Variants in EPHA5 observed in about 807,000 individuals in gnomAD.
The protein encoded by EPHA5 is EPH receptor A5, also known as ephrin type-A receptor 5.
A neutral mutation model predicts 105.0 loss-of-function variants in EPHA5; 60 were observed. The ratio of observed to expected loss-of-function variants is 0.57; its 90% confidence interval spans 0.46 to 0.71. The LOEUF (loss-of-function observed/expected upper bound fraction) is 0.71, where lower values mean the gene tolerates loss of function less well. Among genes scored for constraint, EPHA5 ranks in the 30% least tolerant of loss-of-function variants. The pLI is 0.00. For missense variants in EPHA5, 1,218 were observed against 1,274.7 expected, an observed-to-expected ratio of 0.96 and a Z score of 0.68; for synonymous variants, 513 against 449.1, an observed-to-expected ratio of 1.14 and a Z score of -1.80.
intron 5 of EPHA5, among the ~76,000 whole-genome samples, chr4:65,468,678 A>AATATATATATATAATATATAT (rs1560572066): frequency 5.1e-4 from 67 of 132,256 alleles, no homozygotes; most frequent in African/African-American, 1.6e-3. Context: ...TAACATATAT[A>AATATATATATATAATATATAT]CATATATATA....
At chr4:65,428,004 T>C (rs1169782385) in intron 5 of EPHA5, among the ~76,000 whole-genome samples, 1 of 152,078 alleles carries the variant, frequency 6.6e-6, no homozygotes, top group Non-Finnish European at 1.5e-5. Context: ...TTTTATTTTA[T>C]ATATACATAT....
At chr4:65,341,876 C>T (rs766981218) in intron 14 of EPHA5, among the ~76,000 whole-genome samples, 2 of 151,944 alleles carry the variant, frequency 1.3e-5, no homozygotes, top group Non-Finnish European at 2.9e-5. Context: ...CTACAAATGA[C>T]TAGAGTTTAT....
At chr4:65,529,939 G>T (rs1233603619) in intron 3 of EPHA5, among the ~76,000 whole-genome samples, 1 of 151,970 alleles carries the variant, frequency 6.6e-6, no homozygotes, top group Non-Finnish European at 1.5e-5. Flanking sequence ...TGATACCTAA[G>T]GTTATACTAA....
chr4:65,536,214 C>G (rs1736272428), intron 3 of EPHA5, among the ~76,000 whole-genome samples: 1 of 151,910 alleles, frequency 6.6e-6, no homozygotes, highest in African/African-American at 2.4e-5. Context: ...TTTGAGCAGA[C>G]AATTGCTCCA....
At chr4:65,649,923 C>T (rs2149526098) in intron 1 of EPHA5, among the ~76,000 whole-genome samples, 1 of 152,272 alleles carries the variant, frequency 6.6e-6, no homozygotes, top group East Asian at 1.9e-4. Context: ...ACTGTACCAT[C>T]CCTTCAAATC....
At chr4:65,401,697 TAAGATGTTGCTGTTTTTAA>T (rs1721841073) in intron 8 of EPHA5, among the ~76,000 whole-genome samples, 1 of 152,148 alleles carries the variant, frequency 6.6e-6, no homozygotes, top group Non-Finnish European at 1.5e-5. Context: ...TACTAATTGC[TAAGATGTTGCTGTTTTTAA>T]AAGTAATTAC....
chr4:65,494,670 C>T (rs1003886248), intron 4 of EPHA5, among the ~76,000 whole-genome samples: 9 of 152,256 alleles, frequency 5.9e-5, no homozygotes, highest in African/African-American at 2.2e-4. Context: ...GTTTACTATT[C>T]ATCTACTCTA....
intron 11 of EPHA5, among the ~76,000 whole-genome samples, chr4:65,361,691 A>G (rs890010978): frequency 6.6e-6 from 1 of 151,746 alleles, no homozygotes; most frequent in Middle Eastern, 3.2e-3. Context: ...TAATCAATGT[A>G]GTTGGATGTT....
intron 3 of EPHA5, among the ~76,000 whole-genome samples, chr4:65,589,671 A>C (rs1742447752): frequency 6.6e-6 from 1 of 152,208 alleles, no homozygotes; most frequent in South Asian, 2.1e-4. Context: ...GAACCTTCTA[A>C]AGAGAATTTA....
chr4:65,624,496 A>G (rs1745966955), intron 2 of EPHA5, among the ~76,000 whole-genome samples: 1 of 152,236 alleles, frequency 6.6e-6, no homozygotes, highest in Non-Finnish European at 1.5e-5. Flanking sequence ...GGAAATTATC[A>G]CAAAATAAAT....
chr4:65,327,229 T>C (rs1358212249), intron 16 of EPHA5, among the ~76,000 whole-genome samples: 1 of 151,272 alleles, frequency 6.6e-6, no homozygotes, highest in African/African-American at 2.4e-5. Context: ...ATGAAATCTG[T>C]ACTTTGTCAG....
chr4:65,534,355 C>CA (rs1736098979), intron 3 of EPHA5, among the ~76,000 whole-genome samples: 1 of 152,006 alleles, frequency 6.6e-6, no homozygotes, highest in African/African-American at 2.4e-5. Flanking sequence ...TTTGTTTACA[C>CA]AAATAAATTA....
At chr4:65,429,147 C>T (rs181448259) in intron 5 of EPHA5, among the ~76,000 whole-genome samples, 360 of 151,974 alleles carry the variant, frequency 2.4e-3, no homozygotes, top group Non-Finnish European at 3.7e-3. Flanking sequence ...AAACAGAATT[C>T]AAATAATTTT....
chr4:65,405,305 G>A (rs1356138822), intron 7 of EPHA5, among the ~76,000 whole-genome samples: 2 of 151,980 alleles, frequency 1.3e-5, no homozygotes, highest in African/African-American at 4.8e-5. Flanking sequence ...AAAATAAATT[G>A]TACTAATGTT....
chr4:65,569,460 C>T (rs1252030834), intron 3 of EPHA5, among the ~76,000 whole-genome samples: 1 of 151,494 alleles, frequency 6.6e-6, no homozygotes, highest in East Asian at 1.9e-4. Flanking sequence ...ATTTTCCCTA[C>T]CCCCAAGTAA....
chr4:65,535,514 T>C (rs2149310871), intron 3 of EPHA5, among the ~76,000 whole-genome samples: 1 of 152,262 alleles, frequency 6.6e-6, no homozygotes. Context: ...ATAGAACATA[T>C]ATATTCATCC....
At chr4:65,427,726 C>A (rs1372228628) in intron 5 of EPHA5, among the ~76,000 whole-genome samples, 1 of 152,132 alleles carries the variant, frequency 6.6e-6, no homozygotes, top group Non-Finnish European at 1.5e-5. Context: ...ATTACAAAAC[C>A]TACATCCAAT....
chr4:65,523,183 T>C (rs1342778869), intron 3 of EPHA5, among the ~76,000 whole-genome samples: 1 of 152,026 alleles, frequency 6.6e-6, no homozygotes, highest in Admixed American at 6.6e-5. Flanking sequence ...TTTTAACATT[T>C]AGTTAGAATC....
intron 3 of EPHA5, among the ~76,000 whole-genome samples, chr4:65,520,441 C>A (rs1029586039): frequency 6.6e-6 from 1 of 152,142 alleles, no homozygotes; most frequent in Non-Finnish European, 1.5e-5. Flanking sequence ...AAAACCTAAG[C>A]AATACCATTC....
Sources: allele counts gnomAD v4.1 joint callset (sites outside exome capture counted in the v4.1 genomes callset), GRCh38; gene constraint gnomAD v4.1.1; transcripts MANE v1.5; gene names NCBI Gene and HGNC (gene_info 2026-07-23, HGNC 2026-07-21).